Variants in ABCB11 observed in about 807,000 individuals in gnomAD.
ABCB11 encodes bile salt export pump.
Under a neutral mutation model 148.0 loss-of-function variants are expected in ABCB11, and 95 were observed. The observed-to-expected ratio is 0.64, with a 90% CI of 0.54 to 0.76. The LOEUF (loss-of-function observed/expected upper bound fraction) is 0.76. ABCB11 is among the 30% of genes least tolerant of loss of function. ABCB11 has a pLI of 0.00. For missense variants in ABCB11, 1,523 were observed against 1,617.8 expected (o/e 0.94, Z 1.01); for synonymous variants, 591 against 555.4 (o/e 1.06, Z -0.90).
chr2:168,969,982 T>C, intron 15 of ABCB11, 63 bp downstream of exon 15: 2 of 859,888 alleles, frequency 2.3e-6, no homozygotes, highest in Non-Finnish European at 3.6e-6. Flanking sequence ...AGGAGCTGCC[T>C]TTCCTGCAGC....
intron 1 of ABCB11, among the ~76,000 whole-genome samples, chr2:169,022,347 A>G (rs1695564112): frequency 6.6e-6 from 1 of 152,028 alleles, no homozygotes; most frequent in Non-Finnish European, 1.5e-5. Context: ...TGAAGAAAAG[A>G]GATATAAATC....
rs1287574519 is a variant in ABCB11, at chr2:168,939,048, T to C, written c.2611-2615A>G. ...TTAAAAAATAGCTGTGCAATATTCC[T>C]TAGTATAAATGTATCATAATTGATT... On this transcript the variant is annotated intron_variant, in intron 21 of 27. Transcript: ENST00000650372. 1.3e-5 allele frequency among the ~76,000 whole-genome samples: 2 copies of C among 150,994 alleles called. 1 individual carries two copies.
At chr2:168,950,658 C>G (rs746838485) in intron 19 of ABCB11, among the ~76,000 whole-genome samples, 2 of 151,270 alleles carry the variant, frequency 1.3e-5, no homozygotes, top group Non-Finnish European at 3.0e-5. Flanking sequence ...GTTGAGTTCC[C>G]TATAGATTCT....
intron 24 of ABCB11, among the ~76,000 whole-genome samples, chr2:168,931,888 T>C (rs1200576748): frequency 1.3e-5 from 2 of 152,236 alleles, no homozygotes; most frequent in African/African-American, 4.8e-5. Flanking sequence ...TATGTATGAA[T>C]GAACCCATAT....
chr2:168,981,721 A>G (rs1477821649), intron 10 of ABCB11, among the ~76,000 whole-genome samples: 1 of 152,202 alleles, frequency 6.6e-6, no homozygotes, highest in East Asian at 1.9e-4. Context: ...ATCCGGGGCC[A>G]GCAAACATTT....
intron 8 of ABCB11, 43 bp downstream of exon 8, chr2:168,993,668 G>T (rs781191746): frequency 1.3e-6 from 2 of 1,575,060 alleles, no homozygotes; most frequent in Non-Finnish European, 1.7e-6. Flanking sequence ...TGTTTATGAA[G>T]GCAAATGTCT....
Position 168,964,236 on chromosome 2 carries a change from A to G in ABCB11, c.2148T>C (p.Asp716=), listed in dbSNP as rs1354664017. 2 of 1,565,006 alleles carry G rather than the reference A, an allele frequency of 1.3e-6. No individual in the cohort carries two copies. Among genetic ancestry groups the G allele is most frequent in the East Asian group, 2.4e-5 (1 of 42,444 alleles). ...TATCTTCTTCATAGGTAGACTTATG[A>G]TCTACAACAGCTAATGGAGGTTCGT... ...LVHEPPLAVV[D]HKSTYEEDRK... The change falls in exon 18 of 28, where the codon GAT becomes GAC. Residue 716 remains aspartate, a synonymous_variant. Transcript: ENST00000650372.
chr2:168,975,794 T>A, intron 12 of ABCB11, among the ~76,000 whole-genome samples: 1 of 148,472 alleles, frequency 6.7e-6, no homozygotes, highest in African/African-American at 2.5e-5. Flanking sequence ...ATATATCACA[T>A]ATATATCATA....
At chr2:168,976,836 G>T in intron 11 of ABCB11, 149 bp from the exon 12 acceptor site, 1 of 461,972 alleles carries the variant, frequency 2.2e-6, no homozygotes. Context: ...TTCAAATGAA[G>T]ATGTATACAT....
Position 168,958,093 on chromosome 2 carries a change from A to G in ABCB11, c.2214T>C (p.Pro738=). The G allele has an allele frequency of 6.2e-7, 1 of 1,611,218 alleles. No homozygotes were observed. The highest frequency in any genetic ancestry group is 1.1e-5 in the South Asian group (1 of 90,992). The part of the protein sequence containing the change: ...KDIPVQEEVE[P]APVRRILKFS... ...ATTTCAGAATCCTCCTAACTGGGGC[A>G]GGTTCAACTTCTTCCTGCACAGGAA... The change falls in exon 19 of 28, where the codon CCT becomes CCC. Residue 738 remains proline, a synonymous_variant. Coordinates refer to ENST00000650372, the MANE Select transcript of ABCB11 (RefSeq NM_003742.4).
intron 18 of ABCB11, among the ~76,000 whole-genome samples, chr2:168,961,004 C>T (rs1413219413): frequency 6.6e-6 from 1 of 151,702 alleles, no homozygotes; most frequent in Non-Finnish European, 1.5e-5. Context: ...TGCCTGTCAG[C>T]AGCTCCATAG....
chr2:169,015,675 C>A (rs772591316), intron 3 of ABCB11, among the ~76,000 whole-genome samples: 5 of 152,086 alleles, frequency 3.3e-5, no homozygotes, highest in African/African-American at 4.8e-5. Context: ...AACCCCACCC[C>A]CCACGCACCA....
At chr2:168,924,824 T>C (rs1224362038) in intron 26 of ABCB11, 21 bp from the exon 27 acceptor site, 2 of 1,607,226 alleles carry the variant, frequency 1.2e-6, no homozygotes, top group Non-Finnish European at 8.5e-7. Context: ...GTATGATAAG[T>C]TTGAGAAATA....
chr2:169,024,461 G>A (rs977579409), intron 1 of ABCB11, among the ~76,000 whole-genome samples: 2 of 144,268 alleles, frequency 1.4e-5, no homozygotes, highest in African/African-American at 5.1e-5. Context: ...TAGAAAAATT[G>A]TGAAGATGGT....
intron 14 of ABCB11, among the ~76,000 whole-genome samples, chr2:168,971,606 A>G (rs745774275): frequency 6.6e-6 from 1 of 152,082 alleles, no homozygotes; most frequent in African/African-American, 2.4e-5. Context: ...GATGTTTAAT[A>G]TATTACCAAC....
intron 13 of ABCB11, 122 bp downstream of exon 13, chr2:168,973,593 A>C: frequency 8.0e-7 from 1 of 1,250,676 alleles, no homozygotes; most frequent in South Asian, 1.7e-5. Flanking sequence ...GTAACAAATC[A>C]TTAAGTTAAC....
intron 9 of ABCB11, among the ~76,000 whole-genome samples, chr2:168,988,233 A>T (rs1478941018): frequency 1.3e-5 from 2 of 151,966 alleles, no homozygotes; most frequent in Non-Finnish European, 2.9e-5. Context: ...GTTTAACTGA[A>T]ATTTTGAATC....
intron 19 of ABCB11, among the ~76,000 whole-genome samples, chr2:168,948,804 T>C (rs1692436636): frequency 6.6e-6 from 1 of 151,742 alleles, no homozygotes; most frequent in African/African-American, 2.4e-5. Context: ...TGTGATTTCT[T>C]CACTTACCAC....
At chr2:168,955,108 T>A (rs1101531) in intron 19 of ABCB11, among the ~76,000 whole-genome samples, 77,085 of 151,306 alleles carry the variant, frequency 0.51, 20,219 homozygotes, top group South Asian at 0.66. Context: ...CTTATTTTTT[T>A]AAAATGCTAT....
Sources: gnomAD v4.1 joint callset for allele counts (sites outside exome capture counted in the v4.1 genomes callset) on GRCh38, gnomAD v4.1.1 for gene constraint, MANE v1.5 for transcripts, NCBI Gene and HGNC (gene_info 2026-07-23, HGNC 2026-07-21) for gene names.